Variants in ASXL1 observed in about 807,000 individuals in gnomAD.
ASXL1 encodes polycomb group protein ASXL1.
ASXL1 carries 65 observed loss-of-function variants against 89.1 expected under a neutral mutation model. The observed-to-expected ratio is 0.73, with a 90% CI of 0.60 to 0.90. The LOEUF (loss-of-function observed/expected upper bound fraction) is 0.90. Ranked by LOEUF, ASXL1 falls within the 40% of genes least tolerant of loss-of-function variation. The probability of loss-of-function intolerance (pLI) is 0.00; values close to 1 mark genes in which losing one functional copy is unlikely to be tolerated. For missense variants in ASXL1, 1,786 were observed against 1,942.9 expected (o/e 0.92, Z 1.52); for synonymous variants, 739 against 746.9 (o/e 0.99, Z 0.17).
In ASXL1 at chr20:32,422,604, A is replaced by G. The variant is rs2011173055; in HGVS notation, c.253-5524A>G. Among the ~76,000 whole-genome samples the G allele has an allele frequency of 1.6e-5, 2 of 123,284 alleles. 1 individual carries two copies. The highest frequency in any genetic ancestry group is 4.3e-4 in the East Asian group (2 of 4,612). The allele number at this position is 123,284 out of a possible 152,430, so 80.9% of individuals were successfully genotyped here. A position where few individuals can be genotyped will look rare whatever the true frequency, so the allele number is the denominator to read the frequency against. Reference sequence around the variant, plus strand: ...AATTTTTTTTTTTTTTTTTTTTTTTAAAGACAGAGTCTTGCACTGTCTCCC... The same window carrying G: ...AATTTTTTTTTTTTTTTTTTTTTTTGAAGACAGAGTCTTGCACTGTCTCCC... On this transcript the variant is annotated intron_variant, in intron 4 of 12. Coordinates refer to ENST00000375687, the MANE Select transcript of ASXL1 (RefSeq NM_015338.6).
intron 4 of ASXL1, among the ~76,000 whole-genome samples, chr20:32,375,589 T>C (rs1382011298): frequency 6.6e-6 from 1 of 152,198 alleles, no homozygotes; most frequent in Non-Finnish European, 1.5e-5. Context: ...TCAAAATTAT[T>C]CTTTGTGGCC....
Position 32,437,604 on chromosome 20 carries a change from GA to G in ASXL1, c.*267del. The G allele has an allele frequency of 1.9e-6, 1 of 516,488 alleles. No homozygotes were observed. The highest frequency in any genetic ancestry group is 3.5e-6 in the Non-Finnish European group (1 of 289,830). 32.0% of individuals were successfully genotyped at this position (516,488 alleles called of 1,614,324 possible). On this transcript the variant is annotated 3_prime_UTR_variant, in exon 13 of 13. Transcript: ENST00000375687. The stretch of plus-strand genomic sequence containing the variant: ...GCAAGACAGAGCCTGATGTGGCACG[GA>G]GTGGGGTTGCGGGGGGTGGGGGGAC...
chr20:32,408,249 T>C (rs1008384578), intron 4 of ASXL1, among the ~76,000 whole-genome samples: 1 of 152,194 alleles, frequency 6.6e-6, no homozygotes, highest in Admixed American at 6.5e-5. Context: ...TTAATTTCTA[T>C]GTACGGTTCG....
At chr20:32,364,608 G>A (rs1018865521) in intron 1 of ASXL1, among the ~76,000 whole-genome samples, 1 of 152,182 alleles carries the variant, frequency 6.6e-6, no homozygotes, top group Non-Finnish European at 1.5e-5. Context: ...CGATCATAGT[G>A]CACTAGAGCC....
At chr20:32,381,389 A>G (rs2122928110) in intron 4 of ASXL1, among the ~76,000 whole-genome samples, 1 of 151,930 alleles carries the variant, frequency 6.6e-6, no homozygotes, top group African/African-American at 2.4e-5. Context: ...ATTTGTAGAG[A>G]AGAGGTCTTA....
In ASXL1 at chr20:32,429,355, A is replaced by G. The variant is rs983990312; in HGVS notation, c.489A>G (p.Lys163=). 3 of 1,614,170 alleles carry G rather than the reference A, an allele frequency of 1.9e-6. No homozygotes were observed. Among genetic ancestry groups the G allele is most frequent in the Non-Finnish European group, 2.5e-6 (3 of 1,180,036 alleles). The change falls in exon 7 of 13, where the codon AAA becomes AAG. Residue 163 remains lysine (K), a synonymous_variant. Transcript: ENST00000375687. The surrounding 1 kb of genome is among the most constrained non-coding windows in gnomAD (Gnocchi z 4.9). ...RASSQANKQK[K]KTGVMLPRVV... is the part of the protein sequence containing the mutation. ...GAACGCAGGCGAACAAACAAAAGAA[A>G]AAGACTGGGGTGATGCTGCCTCGAG...
chr20:32,429,686 G>A lies in ASXL1; in HGVS notation c.566-215G>A. On this transcript the variant is annotated intron_variant, in intron 7 of 12. Transcript: ENST00000375687. The surrounding 1 kb of genome is among the most constrained non-coding windows in gnomAD (Gnocchi z 4.9). ...ATGCCAGTGCTTTGTAAAAGGTGTAGTGCTATACAAATAAAGATGGCAGTT... is the reference window on the plus strand; with the variant it reads ...ATGCCAGTGCTTTGTAAAAGGTGTAATGCTATACAAATAAAGATGGCAGTT... The A allele has an allele frequency of 1.4e-6, 1 of 713,274 alleles. No individual in the cohort carries two copies. Among genetic ancestry groups the A allele is most frequent in the Non-Finnish European group, 2.3e-6 (1 of 436,444 alleles). 44.2% of individuals were successfully genotyped at this position (713,274 alleles called of 1,614,324 possible).
At chr20:32,401,182 C>G (rs2048865392) in intron 4 of ASXL1, among the ~76,000 whole-genome samples, 1 of 152,068 alleles carries the variant, frequency 6.6e-6, no homozygotes, top group East Asian at 1.9e-4. Context: ...TTCACATGAA[C>G]TATTTTGAGC....
At chr20:32,411,345 A>C (rs2049043408) in intron 4 of ASXL1, among the ~76,000 whole-genome samples, 1 of 139,654 alleles carries the variant, frequency 7.2e-6, no homozygotes, top group African/African-American at 2.7e-5. Context: ...CATCTTCCTT[A>C]GCTTCACGAG....
At position 32,428,171 on chromosome 20, in the gene ASXL1, G is replaced by A; in HGVS notation, c.296G>A (p.Gly99Glu). The A allele has an allele frequency of 6.2e-7, 1 of 1,614,088 alleles. No homozygotes were observed. The highest frequency in any genetic ancestry group is 8.5e-7 in the Non-Finnish European group (1 of 1,180,038). ...TCTCGCCATCCAGCTACAGTGGAGG[G>A]AGAGGAGCCAGAGGACACGGCTGAT... Reference protein sequence around the residue: ...QWSRHPATVEGEEPEDTADVE... With the variant: ...QWSRHPATVEEEEPEDTADVE... The change falls in exon 5 of 13, where the codon GGA becomes GAA. Residue 99 changes from glycine to glutamate, a missense_variant. Gly to Glu is a moderately conservative substitution (Grantham distance 98). Around this residue, in one of 3 missense-constraint regions of ASXL1, gnomAD observed 332 missense variants for 449.7 expected, o/e 0.74. Transcript: ENST00000375687.
chr20:32,429,524 C>A lies in ASXL1; in HGVS notation c.565+93C>A. 3 of 1,311,736 alleles carry A rather than the reference C, an allele frequency of 2.3e-6. No individual in the cohort carries two copies. In the South Asian group the frequency reaches 3.6e-5, roughly 16 times the overall value. The allele number at this position is 1,311,736 out of a possible 1,614,324, so 81.3% of individuals were successfully genotyped here. ...CAGTTTCTGACCTAATAGTGCGATACTAGGAGAGCTGTCGGGCCACAGGCA... is the reference window on the plus strand; with the variant it reads ...CAGTTTCTGACCTAATAGTGCGATAATAGGAGAGCTGTCGGGCCACAGGCA... On this transcript the variant is annotated intron_variant, in intron 7 of 12. Coordinates refer to ENST00000375687, the MANE Select transcript of ASXL1 (RefSeq NM_015338.6). This position sits in a 1 kb window ranked among gnomAD's most constrained non-coding sequence, Gnocchi z 4.9.
At chr20:32,393,577 T>C (rs2048709759) in intron 4 of ASXL1, among the ~76,000 whole-genome samples, 1 of 152,146 alleles carries the variant, frequency 6.6e-6, no homozygotes, top group Non-Finnish European at 1.5e-5. Context: ...GTTCAAGTCA[T>C]TCTCTTGCCT....
chr20:32,411,050 AAAAAAT>A lies in ASXL1; in HGVS notation c.253-17072_253-17067del, dbSNP rs1230285041. Reference sequence around the variant, plus strand: ...CTGTCTCAAAAAAAAAAAAAAATAAAAAAAATAAAAAAAAATTAGTACTCTGAGAGT... The same window carrying A: ...CTGTCTCAAAAAAAAAAAAAAATAAAAAAAAAAAATTAGTACTCTGAGAGT... On this transcript the variant is annotated intron_variant, in intron 4 of 12. Coordinates refer to ENST00000375687, the MANE Select transcript of ASXL1 (RefSeq NM_015338.6). Among the ~76,000 whole-genome samples the A allele has an allele frequency of 2.5e-3, 153 of 61,134 alleles. 25 individuals are homozygous for A. The highest frequency in any genetic ancestry group is 0.02 in the Middle Eastern group (3 of 152). The allele number at this position is 61,134 out of a possible 152,430, so 40.1% of individuals were successfully genotyped here.
chr20:32,390,330 TAA>T (rs1359946079), intron 4 of ASXL1, among the ~76,000 whole-genome samples: 1 of 152,218 alleles, frequency 6.6e-6, no homozygotes, highest in Non-Finnish European at 1.5e-5. Context: ...CAAAAAATCA[TAA>T]GTCAGGGTAT....
intron 4 of ASXL1, among the ~76,000 whole-genome samples, chr20:32,397,208 CCT>C (rs1491093416): frequency 0.033 from 830 of 24,952 alleles, 75 homozygotes; most frequent in Middle Eastern, 0.077. Context: ...CCATGCCTGG[CCT>C]TTTTTTTTTT....
intron 4 of ASXL1, among the ~76,000 whole-genome samples, chr20:32,396,601 A>G (rs998402424): frequency 4.6e-5 from 7 of 152,112 alleles, no homozygotes; most frequent in Non-Finnish European, 8.8e-5. Context: ...TTAGCTTCTT[A>G]ATTGGCACTC....
intron 4 of ASXL1, among the ~76,000 whole-genome samples, chr20:32,386,244 CA>C (rs2048576721): frequency 6.6e-6 from 1 of 152,178 alleles, no homozygotes; most frequent in Admixed American, 6.5e-5. Context: ...GGTGCTGTGG[CA>C]GCAGTTCTCA....
rs551524526 is a variant in ASXL1 at position 32,434,635 on chromosome 20, C to T, written c.1923C>T (p.Ile641=). 132 of 1,607,612 alleles carry T rather than the reference C, an allele frequency of 8.2e-5. No individual in the cohort carries two copies. The African/African-American group carries it at 1.4e-3, about 17-fold the overall frequency. ...HCHREAATTA[I]GGGGGPGGGG... is the part of the protein sequence containing the mutation. ...ATAGAGAGGCGGCCACCACTGCCAT[C>T]GGAGGGGGGGGTGGCCCGGGTGGAG... Residue 641 remains isoleucine, a synonymous_variant, in exon 13 of 13, where the codon ATC becomes ATT. Transcript: ENST00000375687.
Position 32,436,060 on chromosome 20 carries a change from G to T in ASXL1, c.3348G>T (p.Leu1116Phe). The change falls in exon 13 of 13, where the codon TTG (leucine) becomes TTT (phenylalanine). Residue 1116 changes from leucine to phenylalanine, a missense_variant. This residue lies in a region of ASXL1 where 1,418 missense variants were observed against 1,427.8 expected (regional missense o/e 0.99). Coordinates refer to ENST00000375687, the MANE Select transcript of ASXL1 (RefSeq NM_015338.6). ...TGATGCAGTTGCTGCAGGGTAGCTT[G>T]CCCCTAGAGAAGGTTCTTCCACCAG... ...PLVMQLLQGS[L>F]PLEKVLPPAH... 4.3e-6 allele frequency: 7 copies of T among 1,614,178 alleles called. No homozygotes were observed. Among genetic ancestry groups the T allele is most frequent in the Non-Finnish European group, 5.9e-6 (7 of 1,180,026 alleles).
Sources: allele counts gnomAD v4.1 joint callset (sites outside exome capture counted in the v4.1 genomes callset), GRCh38; gene constraint gnomAD v4.1.1; regional missense constraint gnomAD v4.1.1; non-coding constraint Gnocchi (gnomAD v3.1); transcripts MANE v1.5; gene names NCBI Gene and HGNC (gene_info 2026-07-23, HGNC 2026-07-21).